The following ADCY2 variants were observed in gnomAD, a reference collection of about 807,000 sequenced individuals.
ADCY2 encodes the protein adenylate cyclase type 2.
ADCY2 carries 31 observed loss-of-function variants against 125.2 expected under a neutral mutation model. That is an observed-to-expected ratio of 0.25 (90% CI 0.19 to 0.33). ADCY2 has a LOEUF of 0.33. Ranked by LOEUF, ADCY2 falls within the 10% of genes least tolerant of loss-of-function variation. The pLI is 1.00. For synonymous variants in ADCY2, 512 were observed against 548.4 expected (o/e 0.93, Z 0.93); for missense variants, 904 against 1,418.2 (o/e 0.64, Z 5.82).
At chr5:7,736,173 T>C (rs1167213368) in intron 14 of ADCY2, among the ~76,000 whole-genome samples, 2 of 152,156 alleles carry the variant, frequency 1.3e-5, no homozygotes, top group Admixed American at 6.5e-5. Flanking sequence ...TTAGCTGTGA[T>C]TGCACCACTG....
intron 6 of ADCY2, among the ~76,000 whole-genome samples, chr5:7,697,636 G>C (rs953818915): frequency 6.6e-6 from 1 of 152,110 alleles, no homozygotes; most frequent in African/African-American, 2.4e-5. Flanking sequence ...ACAAAATTTA[G>C]CCCAGAAAAA....
At chr5:7,417,024 T>G (rs1422413413) in intron 2 of ADCY2, among the ~76,000 whole-genome samples, 2 of 152,224 alleles carry the variant, frequency 1.3e-5, no homozygotes, top group African/African-American at 4.8e-5. Flanking sequence ...ATTGAATTTC[T>G]AAATTTTTGT....
intron 2 of ADCY2, among the ~76,000 whole-genome samples, chr5:7,485,494 A>G (rs1262284302): frequency 6.6e-6 from 1 of 152,186 alleles, no homozygotes. Context: ...AACAGAAAGA[A>G]TTATAATGCA....
At chr5:7,460,682 T>G (rs1741885596) in intron 2 of ADCY2, among the ~76,000 whole-genome samples, 1 of 151,968 alleles carries the variant, frequency 6.6e-6, no homozygotes, top group African/African-American at 2.4e-5. Context: ...TTTTGTACAC[T>G]AAGTGTCTTA....
intron 4 of ADCY2, among the ~76,000 whole-genome samples, chr5:7,630,501 T>G (rs1292953094): frequency 6.6e-6 from 1 of 152,214 alleles, no homozygotes; most frequent in Non-Finnish European, 1.5e-5. Context: ...AGACTCCTAT[T>G]GCTGCTGTAA....
intron 14 of ADCY2, among the ~76,000 whole-genome samples, chr5:7,740,897 T>C (rs907344714): frequency 9.2e-5 from 14 of 152,008 alleles, no homozygotes; most frequent in Non-Finnish European, 1.3e-4. Context: ...AGATAAAGTA[T>C]ATAAGTTTAA....
At chr5:7,532,148 A>G (rs1379790951) in intron 3 of ADCY2, among the ~76,000 whole-genome samples, 1 of 152,244 alleles carries the variant, frequency 6.6e-6, no homozygotes, top group African/African-American at 2.4e-5. Flanking sequence ...TTGAAACAAA[A>G]CTATCATCCA....
chr5:7,826,935 G>A lies in ADCY2; in HGVS notation c.*64G>A, dbSNP rs1745499480. 6.5e-7 allele frequency: 1 copy of A among 1,535,488 alleles called. No individual in the cohort carries two copies. The highest frequency in any genetic ancestry group is 8.8e-7 in the Non-Finnish European group (1 of 1,139,256). ...GGAAGGTATCACACACTTTCTGACT[G>A]CAACTTCTGTCCCTTGTTTTTGATG... On this transcript the variant is annotated 3_prime_UTR_variant, in exon 25 of 25. Coordinates refer to ENST00000338316, the MANE Select transcript of ADCY2 (RefSeq NM_020546.3).
chr5:7,703,582 A>G (rs1741161627), intron 7 of ADCY2, among the ~76,000 whole-genome samples: 1 of 152,076 alleles, frequency 6.6e-6, no homozygotes, highest in South Asian at 2.1e-4. Context: ...CCGTTGGTCT[A>G]TATCTCTGTT....
At chr5:7,713,418 C>A (rs368154082) in intron 11 of ADCY2, among the ~76,000 whole-genome samples, 8 of 151,118 alleles carry the variant, frequency 5.3e-5, no homozygotes, top group African/African-American at 1.9e-4. Flanking sequence ...CACTTCAACG[C>A]GGGAGGCAGA....
At chr5:7,563,339 G>A (rs1204168654) in intron 3 of ADCY2, among the ~76,000 whole-genome samples, 2 of 152,252 alleles carry the variant, frequency 1.3e-5, no homozygotes, top group Non-Finnish European at 2.9e-5. Flanking sequence ...GGAAACTAGC[G>A]ATGAGCATAC....
intron 2 of ADCY2, among the ~76,000 whole-genome samples, chr5:7,495,928 C>T (rs942466558): frequency 5.3e-5 from 8 of 152,268 alleles, no homozygotes; most frequent in Admixed American, 3.3e-4. Context: ...TTTTCTTTCA[C>T]GCCTACCAAT....
intron 3 of ADCY2, among the ~76,000 whole-genome samples, chr5:7,573,321 C>A (rs1736121978): frequency 6.6e-6 from 1 of 151,996 alleles, no homozygotes; most frequent in Non-Finnish European, 1.5e-5. Flanking sequence ...TATAACAAAG[C>A]ACATGGTAAA....
chr5:7,642,035 A>T (rs112724159), intron 4 of ADCY2, among the ~76,000 whole-genome samples: 9 of 152,332 alleles, frequency 5.9e-5, no homozygotes, highest in African/African-American at 2.2e-4. Flanking sequence ...TTCTAGATAT[A>T]TACCCAGTAA....
chr5:7,606,346 C>G (rs1360054449), intron 3 of ADCY2, among the ~76,000 whole-genome samples: 1 of 152,106 alleles, frequency 6.6e-6, no homozygotes, highest in Non-Finnish European at 1.5e-5. Flanking sequence ...AAAATTCTGA[C>G]TGAGTGACAG....
At chr5:7,804,473 T>G (rs1169521083) in intron 21 of ADCY2, 112 bp from the exon 22 acceptor site, 1 of 851,526 alleles carries the variant, frequency 1.2e-6, no homozygotes, top group Admixed American at 2.0e-5. Flanking sequence ...ACGCAGTGGT[T>G]GAAACAAGTC....
intron 15 of ADCY2, among the ~76,000 whole-genome samples, chr5:7,750,228 T>C (rs746072201): frequency 6.6e-6 from 1 of 152,170 alleles, no homozygotes; most frequent in Non-Finnish European, 1.5e-5. Flanking sequence ...TTATTCTCTT[T>C]TATTCTCTCT....
chr5:7,789,963 ATT>A (rs1336548158), intron 20 of ADCY2, among the ~76,000 whole-genome samples, 163 bp downstream of exon 20: 1 of 152,206 alleles, frequency 6.6e-6, no homozygotes, highest in Admixed American at 6.5e-5. Flanking sequence ...TCAAGGAGAT[ATT>A]GATTGGTTGT....
intron 4 of ADCY2, among the ~76,000 whole-genome samples, chr5:7,673,354 A>ACCT (rs1464436368): frequency 2.1e-5 from 3 of 142,990 alleles, no homozygotes; most frequent in Non-Finnish European, 4.5e-5. Flanking sequence ...CATGAGAATC[A>ACCT]CCTGAGCTCG....
Sources: allele counts gnomAD v4.1 joint callset (sites outside exome capture counted in the v4.1 genomes callset), GRCh38; gene constraint gnomAD v4.1.1; transcripts MANE v1.5; gene names NCBI Gene and HGNC (gene_info 2026-07-23, HGNC 2026-07-21).